TMEM64: variants seen among roughly 807,000 people sequenced by gnomAD.
The protein encoded by TMEM64 is transmembrane protein 64.
In TMEM64, 19 loss-of-function variants were observed where a neutral mutation model predicts 24.5. The ratio of observed to expected loss-of-function variants is 0.78; its 90% confidence interval spans 0.54 to 1.14. The LOEUF (loss-of-function observed/expected upper bound fraction) is 1.14. Ranked by LOEUF, TMEM64 falls within the 50% of genes most tolerant of loss-of-function variation. The pLI, the probability that TMEM64 is intolerant of heterozygous loss-of-function variation, is 0.00. For missense variants in TMEM64, 487 were observed against 493.0 expected, an observed-to-expected ratio of 0.99 and a Z score of 0.12; for synonymous variants, 262 against 224.7, an observed-to-expected ratio of 1.17 and a Z score of -1.49.
At chr8:90,626,624 T>C (rs1013008788) in intron 2 of TMEM64, among the ~76,000 whole-genome samples, 57 of 129,166 alleles carry the variant, frequency 4.4e-4, no homozygotes, top group African/African-American at 8.8e-4. Context: ...ACTTTTTTTT[T>C]CTTTCTTTTT....
chr8:90,643,761 T>A (rs1809643217), intron 1 of TMEM64, among the ~76,000 whole-genome samples: 1 of 152,046 alleles, frequency 6.6e-6, no homozygotes, highest in Non-Finnish European at 1.5e-5. Flanking sequence ...TATAGGAGGG[T>A]ATGAAAAAGA....
At chr8:90,636,362 T>C (rs1809518092) in intron 1 of TMEM64, among the ~76,000 whole-genome samples, 1 of 152,116 alleles carries the variant, frequency 6.6e-6, no homozygotes. Context: ...TTCAAGCAAT[T>C]CTCCTGCCTC....
intron 2 of TMEM64, among the ~76,000 whole-genome samples, chr8:90,629,923 C>CT (rs1372371444): frequency 6.6e-6 from 1 of 152,052 alleles, no homozygotes; most frequent in Non-Finnish European, 1.5e-5. Flanking sequence ...TTAACTCTGG[C>CT]TTTATTTTAT....
intron 2 of TMEM64, among the ~76,000 whole-genome samples, chr8:90,629,479 T>C (rs73692315): frequency 0.049 from 7,432 of 152,144 alleles, 544 homozygotes; most frequent in African/African-American, 0.17. Context: ...GAAAAAAATG[T>C]TACAAATAGA....
At chr8:90,640,135 C>T (rs993289871) in intron 1 of TMEM64, among the ~76,000 whole-genome samples, 2 of 152,154 alleles carry the variant, frequency 1.3e-5, no homozygotes, top group Admixed American at 1.3e-4. Flanking sequence ...CCTTAAGGGC[C>T]AGACTCCAAC....
At position 90,629,937 on chromosome 8, in the gene TMEM64, A is replaced by G. The variant is rs559264092; in HGVS notation, c.951+1615T>C. ...ATTAACTCTGGCTTTATTTTATCAT[A>G]GTATTTTAAATAAGATAGGGCCTCA... On this transcript the variant is annotated intron_variant, in intron 2 of 2. Transcript: ENST00000458549. Among the ~76,000 whole-genome samples, 45 of 152,296 alleles carry G rather than the reference A, an allele frequency of 3.0e-4. No individual in the cohort carries two copies. The South Asian group carries it at 5.6e-3, about 19-fold the overall frequency.
intron 1 of TMEM64, among the ~76,000 whole-genome samples, chr8:90,638,676 G>A (rs1809558593): frequency 6.6e-6 from 1 of 151,858 alleles, no homozygotes; most frequent in Admixed American, 6.6e-5. Flanking sequence ...GAGGTTGGAT[G>A]TATCAACACC....
At chr8:90,636,757 T>C (rs1809524204) in intron 1 of TMEM64, among the ~76,000 whole-genome samples, 1 of 152,192 alleles carries the variant, frequency 6.6e-6, no homozygotes, top group African/African-American at 2.4e-5. Flanking sequence ...TGAGCCTAGA[T>C]CAATACCATT....
Position 90,622,088 on chromosome 8 carries a change from T to C in TMEM64, c.*3583A>G, listed in dbSNP as rs1809291803. The C allele has an allele frequency of 6.6e-6, 1 of 152,220 alleles. No individual in the cohort carries two copies. The highest frequency in any genetic ancestry group is 2.4e-5 in the African/African-American group (1 of 41,456). 9.4% of individuals were successfully genotyped at this position (152,220 alleles called of 1,614,324 possible). A position where few individuals can be genotyped will look rare whatever the true frequency, so the allele number is the denominator to read the frequency against. On this transcript the variant is annotated 3_prime_UTR_variant, in exon 3 of 3. Coordinates refer to ENST00000458549, the MANE Select transcript of TMEM64 (RefSeq NM_001008495.4). The stretch of plus-strand genomic sequence containing the variant: ...TTACTGATTTCCCTTTAGAATGATC[T>C]ATTTTAAATCTTCAGCCACCTTAGA...
chr8:90,622,143 A>T lies in TMEM64; in HGVS notation c.*3528T>A, dbSNP rs1809292260. 6.6e-6 allele frequency: 1 copy of T among 152,340 alleles called. No homozygotes were observed. Among genetic ancestry groups the T allele is most frequent in the African/African-American group, 2.4e-5 (1 of 41,576 alleles). 9.4% of individuals were successfully genotyped at this position (152,340 alleles called of 1,614,324 possible). A position where few individuals can be genotyped will look rare whatever the true frequency, so the allele number is the denominator to read the frequency against. ...GTTTGCAGCAATCACTTTGCAATTC[A>T]TAAGTATCAGGTTAGAATTTAGTTG... On this transcript the variant is annotated 3_prime_UTR_variant, in exon 3 of 3. Transcript: ENST00000458549.
chr8:90,645,611 C>G lies in TMEM64; in HGVS notation c.295G>C (p.Val99Leu). The change falls in exon 1 of 3, where the codon GTG (valine) becomes CTG (leucine). Residue 99 changes from valine to leucine, a missense_variant. Physicochemically the swap from Val to Leu is conservative, Grantham distance 32. This residue lies in a region of TMEM64 where 419 missense variants were observed against 407.5 expected (regional missense o/e 1.03). Transcript: ENST00000458549. The surrounding 1 kb of genome is among the most constrained non-coding windows in gnomAD (Gnocchi z 4.2). The stretch of plus-strand genomic sequence containing the variant: ...CTCACCTCAGCCACGCCGACCACCA[C>G]GCCGCCGCCGCCACTCCCGGGGCCG... ...AGGPGSGGGG[V>L]VVGVAEVRNW... 1.3e-6 allele frequency: 2 copies of G among 1,534,594 alleles called. No homozygotes were observed. The highest frequency in any genetic ancestry group is 1.7e-6 in the Non-Finnish European group (2 of 1,144,492).
chr8:90,645,099 G>A lies in TMEM64; in HGVS notation c.795+12C>T. The A allele has an allele frequency of 1.3e-6, 2 of 1,594,034 alleles. No homozygotes were observed. Among genetic ancestry groups the A allele is most frequent in the Non-Finnish European group, 1.7e-6 (2 of 1,166,508 alleles). ...GACTTGGAGAGGGATAGGCCAGCGGGACCCCACTTACCGAAAACACTGCAT... is the reference window on the plus strand; with the variant it reads ...GACTTGGAGAGGGATAGGCCAGCGGAACCCCACTTACCGAAAACACTGCAT... On this transcript the variant is annotated intron_variant, in intron 1 of 2. Coordinates refer to ENST00000458549, the MANE Select transcript of TMEM64 (RefSeq NM_001008495.4). This position sits in a 1 kb window ranked among gnomAD's most constrained non-coding sequence, Gnocchi z 4.2.
chr8:90,626,629 C>CTTTTTTTTTTTTTT (rs34029067), intron 2 of TMEM64, among the ~76,000 whole-genome samples: 4 of 105,806 alleles, frequency 3.8e-5, no homozygotes, highest in Non-Finnish European at 7.4e-5. Context: ...TTTTTTCTTT[C>CTTTTTTTTTTTTTT]TTTTTTTTTT....
At chr8:90,627,292 A>T (rs1210691016) in intron 2 of TMEM64, among the ~76,000 whole-genome samples, 1 of 152,086 alleles carries the variant, frequency 6.6e-6, no homozygotes. Context: ...TTAAATGAGT[A>T]CCCATCACTC....
intron 1 of TMEM64, among the ~76,000 whole-genome samples, 171 bp downstream of exon 1, chr8:90,644,940 T>C (rs1044603704): frequency 3.3e-5 from 5 of 152,208 alleles, no homozygotes; most frequent in African/African-American, 9.6e-5. Flanking sequence ...GCGTTAGGTA[T>C]GTTTTATGTG....
chr8:90,637,052 A>G (rs1255522948), intron 1 of TMEM64, among the ~76,000 whole-genome samples: 1 of 152,230 alleles, frequency 6.6e-6, no homozygotes, highest in African/African-American at 2.4e-5. Context: ...AGGGGTTAAC[A>G]TGTGGAACAT....
chr8:90,632,314 TTTGTTGTTG>T (rs555632938), intron 1 of TMEM64, among the ~76,000 whole-genome samples: 130 of 151,594 alleles, frequency 8.6e-4, no homozygotes, highest in Non-Finnish European at 1.2e-3. Flanking sequence ...ACCGCTACTT[TTTGTTGTTG>T]TTGTTGTTGT....
Position 90,645,082 on chromosome 8 carries a change from G to A in TMEM64, c.795+29C>T. 1 of 1,577,014 alleles carries A rather than the reference G, an allele frequency of 6.3e-7. No individual in the cohort carries two copies. The highest frequency in any genetic ancestry group is 1.2e-5 in the South Asian group (1 of 85,580). ...AAGACCGCTCAAAAACAGACTTGGA[G>A]AGGGATAGGCCAGCGGGACCCCACT... On this transcript the variant is annotated intron_variant, in intron 1 of 2. Transcript: ENST00000458549. The surrounding 1 kb of genome is among the most constrained non-coding windows in gnomAD (Gnocchi z 4.2).
rs373056626 is a variant in TMEM64, at chr8:90,645,191, C to T, written c.715G>A (p.Glu239Lys). ...ACCACTTTCAGGCCGCTTCCTCCCTCCACTACGCGAATAACCGCGCTCAGC... is the reference window on the plus strand; with the variant it reads ...ACCACTTTCAGGCCGCTTCCTCCCTTCACTACGCGAATAACCGCGCTCAGC... ...EKLSAVIRVV[E>K]GGSGLKVVAL... Residue 239 changes from glutamate (E) to lysine (K), a missense_variant, in exon 1 of 3, where the codon GAG becomes AAG. This residue lies in a region of TMEM64 where 419 missense variants were observed against 407.5 expected (regional missense o/e 1.03). Transcript: ENST00000458549. This position sits in a 1 kb window ranked among gnomAD's most constrained non-coding sequence, Gnocchi z 4.2. The T allele has an allele frequency of 1.9e-4, 312 of 1,614,084 alleles. 2 individuals are homozygous for T. Among genetic ancestry groups the T allele is most frequent in the Non-Finnish European group, 2.6e-4 (304 of 1,180,048 alleles).
Sources: allele counts gnomAD v4.1 joint callset (sites outside exome capture counted in the v4.1 genomes callset), GRCh38; gene constraint gnomAD v4.1.1; regional missense constraint gnomAD v4.1.1; non-coding constraint Gnocchi (gnomAD v3.1); transcripts MANE v1.5; gene names NCBI Gene and HGNC (gene_info 2026-07-23, HGNC 2026-07-21).